DNM2: variants seen among roughly 807,000 people sequenced by gnomAD.
DNM2 encodes the protein dynamin 2.
Under a neutral mutation model 99.0 loss-of-function variants are expected in DNM2, and 15 were observed. The ratio of observed to expected loss-of-function variants is 0.15; its 90% CI spans 0.10 to 0.23. The LOEUF (loss-of-function observed/expected upper bound fraction) is 0.23, where lower values mean the gene tolerates loss of function less well. DNM2 is among the 10% of genes least tolerant of loss of function. The pLI is 1.00. For missense variants in DNM2, 742 were observed against 1,189.4 expected, an observed-to-expected ratio of 0.62 and a Z score of 5.53; for synonymous variants, 525 against 481.2, an observed-to-expected ratio of 1.09 and a Z score of -1.19.
chr19:10,744,343 A>G (rs1197506685), intron 1 of DNM2, among the ~76,000 whole-genome samples: 1 of 152,054 alleles, frequency 6.6e-6, no homozygotes, highest in Admixed American at 6.6e-5. Flanking sequence ...CTGCCGAGAG[A>G]TACGCTGTGG....
At chr19:10,722,381 G>C (rs1317571625) in intron 1 of DNM2, among the ~76,000 whole-genome samples, 1 of 152,150 alleles carries the variant, frequency 6.6e-6, no homozygotes, top group Admixed American at 6.6e-5. Flanking sequence ...AAGGAGAAAG[G>C]AGGGCATCAC....
In DNM2 at chr19:10,764,417, C is replaced by T. The variant is rs574758218; in HGVS notation, c.235+4606C>T. ...TCCAGCCATCCCCAGTGAACCATAACTTCCAGCCATAGAAGTTTAAACATT... is the reference window on the plus strand; with the variant it reads ...TCCAGCCATCCCCAGTGAACCATAATTTCCAGCCATAGAAGTTTAAACATT... On this transcript the variant is annotated intron_variant, in intron 2 of 20. Transcript: ENST00000389253. This position sits in a 1 kb window ranked among gnomAD's most constrained non-coding sequence, Gnocchi z 4.1. Among the ~76,000 whole-genome samples, 11 of 152,346 alleles carry T rather than the reference C, an allele frequency of 7.2e-5. No homozygotes were observed. The highest frequency in any genetic ancestry group is 2.6e-4 in the African/African-American group (11 of 41,578).
At position 10,807,429 on chromosome 19, in the gene DNM2, A is replaced by T. The variant is rs909126094; in HGVS notation, c.1546-1140A>T. Among the ~76,000 whole-genome samples the T allele has an allele frequency of 2.7e-5, 4 of 147,472 alleles. No homozygotes were observed. The Admixed American group carries it at 2.7e-4, about 10-fold the overall frequency. ...TAATTTTTTTGTATTTTTAGTAGAGAGGGGGTTTCACCATCTTGGCCAGGC... is the reference window on the plus strand; with the variant it reads ...TAATTTTTTTGTATTTTTAGTAGAGTGGGGGTTTCACCATCTTGGCCAGGC... On this transcript the variant is annotated intron_variant, in intron 13 of 20. Coordinates refer to ENST00000389253, the MANE Select transcript of DNM2 (RefSeq NM_001005361.3).
At chr19:10,719,496 CAT>C (rs2068866699) in intron 1 of DNM2, among the ~76,000 whole-genome samples, 1 of 152,080 alleles carries the variant, frequency 6.6e-6, no homozygotes, top group South Asian at 2.1e-4. Context: ...GCGGTGTGCC[CAT>C]CTGTCCAGTG....
At chr19:10,807,429 A>G (rs909126094) in intron 13 of DNM2, among the ~76,000 whole-genome samples, 1 of 147,472 alleles carries the variant, frequency 6.8e-6, no homozygotes, top group Admixed American at 6.8e-5. Flanking sequence ...TTTAGTAGAG[A>G]GGGGGTTTCA....
chr19:10,786,717 CG>C lies in DNM2; in HGVS notation c.992+13del, dbSNP rs1417439819. ...CAAAGCCCTGCTGCAGTATGTACCC[CG>C]GCACCCACCACCACCACCACCCTGG... On this transcript the variant is annotated intron_variant, in intron 7 of 20. Coordinates refer to ENST00000389253, the MANE Select transcript of DNM2 (RefSeq NM_001005361.3). 2.0e-5 allele frequency: 33 copies of C among 1,613,808 alleles called. No homozygotes were observed. The highest frequency in any genetic ancestry group is 2.7e-5 in the Non-Finnish European group (32 of 1,179,962).
chr19:10,819,480 G>C (rs547306899), intron 15 of DNM2, among the ~76,000 whole-genome samples: 21 of 152,184 alleles, frequency 1.4e-4, no homozygotes, highest in Non-Finnish European at 1.2e-4. Context: ...CGTGCAAGGC[G>C]AGGGGCAGTT....
chr19:10,757,958 A>AAAG (rs1555702429), intron 1 of DNM2, among the ~76,000 whole-genome samples: 3 of 151,698 alleles, frequency 2.0e-5, no homozygotes, highest in Admixed American at 1.3e-4. Flanking sequence ...AAAAAAAAAA[A>AAAG]AAAAAAAGAA....
intron 15 of DNM2, among the ~76,000 whole-genome samples, chr19:10,814,190 C>T (rs1000411568): frequency 6.6e-6 from 1 of 151,472 alleles, no homozygotes; most frequent in Non-Finnish European, 1.5e-5. Context: ...ACAGGCTGGG[C>T]GCAGTGGCTC....
chr19:10,749,069 G>C (rs1467790265), intron 1 of DNM2, among the ~76,000 whole-genome samples: 2 of 152,188 alleles, frequency 1.3e-5, no homozygotes, highest in African/African-American at 2.4e-5. Flanking sequence ...CCCAGCCCAG[G>C]GTCCTGGCCA....
At position 10,796,445 on chromosome 19, in the gene DNM2, G is replaced by T. The variant is rs1469575600; in HGVS notation, c.1197-935G>T. 6.6e-6 allele frequency among the ~76,000 whole-genome samples: 1 copy of T among 152,154 alleles called. No individual in the cohort carries two copies. Among genetic ancestry groups the T allele is most frequent in the Admixed American group, 6.5e-5 (1 of 15,288 alleles). Reference sequence around the variant, plus strand: ...GATGCACAGTTGTCCCTGGGACCCTGATACCAAGCCTAGCATGTGTCTGAT... The same window carrying T: ...GATGCACAGTTGTCCCTGGGACCCTTATACCAAGCCTAGCATGTGTCTGAT... On this transcript the variant is annotated intron_variant, in intron 9 of 20. Transcript: ENST00000389253. This position sits in a 1 kb window ranked among gnomAD's most constrained non-coding sequence, Gnocchi z 5.6.
rs957553993 is a variant in DNM2 at position 10,820,410 on chromosome 19, A to G, written c.1781+321A>G. Among the ~76,000 whole-genome samples the G allele has an allele frequency of 2.8e-4, 42 of 152,214 alleles. No individual in the cohort carries two copies. Among genetic ancestry groups the G allele is most frequent in the African/African-American group, 9.2e-4 (38 of 41,458 alleles). On this transcript the variant is annotated intron_variant, in intron 16 of 20. Coordinates refer to ENST00000389253, the MANE Select transcript of DNM2 (RefSeq NM_001005361.3). This position sits in a 1 kb window ranked among gnomAD's most constrained non-coding sequence, Gnocchi z 4.3. The stretch of plus-strand genomic sequence containing the variant: ...GCCCTCTGGTGGCTGAGAGGGAAAC[A>G]GTATGAGAGGGTGAGAGATGGGGGA...
chr19:10,794,344 C>CGTGTGTGTGTGTGT lies in DNM2; in HGVS notation c.1128+511_1128+524dup, dbSNP rs58263525. On this transcript the variant is annotated intron_variant, in intron 8 of 20. Transcript: ENST00000389253. ...TGCTAGGATTTGGGACTTCTTTTTC[C>CGTGTGTGTGTGTGT]GTGTGTGTGTGTGTGTGTGTGTGTG... 5.9e-3 allele frequency among the ~76,000 whole-genome samples: 840 copies of CGTGTGTGTGTGTGT among 141,690 alleles called. 10 individuals carry two copies. The highest frequency in any genetic ancestry group is 0.028 in the East Asian group (136 of 4,812). 93.0% of individuals were successfully genotyped at this position (141,690 alleles called of 152,430 possible). A position where few individuals can be genotyped will look rare whatever the true frequency, so the allele number is the denominator to read the frequency against.
chr19:10,719,729 A>G (rs1033452904), intron 1 of DNM2, among the ~76,000 whole-genome samples: 14 of 152,146 alleles, frequency 9.2e-5, no homozygotes, highest in African/African-American at 3.4e-4. Flanking sequence ...TGTTGTTATC[A>G]TTGTCAAGGG....
At chr19:10,808,065 C>G (rs989506348) in intron 13 of DNM2, among the ~76,000 whole-genome samples, 2 of 151,774 alleles carry the variant, frequency 1.3e-5, no homozygotes, top group Non-Finnish European at 2.9e-5. Flanking sequence ...ATCACTTGAA[C>G]CCAGGAGATG....
chr19:10,789,426 G>A (rs1200766517), intron 7 of DNM2, among the ~76,000 whole-genome samples: 1 of 151,910 alleles, frequency 6.6e-6, no homozygotes, highest in African/African-American at 2.4e-5. Context: ...AGATTACAAG[G>A]TGCCTGTAAT....
At chr19:10,760,283 C>A (rs1190548043) in intron 2 of DNM2, among the ~76,000 whole-genome samples, 1 of 151,904 alleles carries the variant, frequency 6.6e-6, no homozygotes, top group Non-Finnish European at 1.5e-5. Flanking sequence ...TCAAGTGACC[C>A]TCTCACTTCG....
rs1005999672 is a variant in DNM2, at chr19:10,795,973, G to C, written c.1196+534G>C. 2 of 1,599,802 alleles carry C rather than the reference G, an allele frequency of 1.3e-6. No homozygotes were observed. The highest frequency in any genetic ancestry group is 1.7e-6 in the Non-Finnish European group (2 of 1,174,964). On this transcript the variant is annotated intron_variant, in intron 9 of 20. Coordinates refer to ENST00000389253, the MANE Select transcript of DNM2 (RefSeq NM_001005361.3). This position sits in a 1 kb window ranked among gnomAD's most constrained non-coding sequence, Gnocchi z 4.2. Reference sequence around the variant, plus strand: ...ATGACACAACCTTCATTCCTTGTTGGGGACCCGGCCAGGGCCAATGAAATT... The same window carrying C: ...ATGACACAACCTTCATTCCTTGTTGCGGACCCGGCCAGGGCCAATGAAATT...
At chr19:10,792,853 C>T (rs969828811) in intron 7 of DNM2, among the ~76,000 whole-genome samples, 1 of 152,098 alleles carries the variant, frequency 6.6e-6, no homozygotes, top group African/African-American at 2.4e-5. Flanking sequence ...GGTGATCTGC[C>T]TACCTCAGCC....
Sources: gnomAD v4.1 joint callset for allele counts (sites outside exome capture counted in the v4.1 genomes callset) on GRCh38, gnomAD v4.1.1 for gene constraint, Gnocchi (gnomAD v3.1) non-coding constraint, MANE v1.5 for transcripts, NCBI Gene and HGNC (gene_info 2026-07-23, HGNC 2026-07-21) for gene names.